SDK1: variants seen among roughly 807,000 people sequenced by gnomAD.
SDK1 encodes protein sidekick-1.
SDK1 carries 157 observed loss-of-function variants against 245.5 expected under a neutral mutation model. The observed-to-expected ratio is 0.64, with a 90% CI of 0.56 to 0.73. The LOEUF is 0.73. Among genes scored for constraint, SDK1 ranks in the 30% least tolerant of loss-of-function variants. SDK1 has a pLI of 0.00. For missense variants in SDK1, 3,583 were observed against 3,002.3 expected, an observed-to-expected ratio of 1.19 and a Z score of -4.52; for synonymous variants, 1,647 against 1,278.5, an observed-to-expected ratio of 1.29 and a Z score of -6.15.
chr7:3,643,327 C>G (rs556296515), intron 4 of SDK1: 1 of 152,118 alleles, frequency 6.6e-6, no homozygotes, highest in East Asian at 2.0e-4. Flanking sequence ...CCTACCTGAG[C>G]ATCTGTGGAA....
chr7:3,317,524 C>G (rs1779693155), intron 1 of SDK1, among the ~76,000 whole-genome samples: 1 of 152,090 alleles, frequency 6.6e-6, no homozygotes, highest in Non-Finnish European at 1.5e-5. Flanking sequence ...TAGCTGTGTG[C>G]TGTTCCCTGG....
intron 1 of SDK1, among the ~76,000 whole-genome samples, chr7:3,342,628 A>G (rs1298995066): frequency 6.6e-6 from 1 of 152,186 alleles, no homozygotes; most frequent in East Asian, 1.9e-4. Context: ...AGAATCCAGA[A>G]CTAAGCAATA....
intron 22 of SDK1, among the ~76,000 whole-genome samples, chr7:4,092,645 G>A (rs1224020465): frequency 1.3e-5 from 2 of 152,186 alleles, no homozygotes; most frequent in African/African-American, 4.8e-5. Flanking sequence ...ATTTGGGGAG[G>A]AGAAAGACTC....
At chr7:3,684,568 C>G (rs558645614) in intron 4 of SDK1, among the ~76,000 whole-genome samples, 3 of 152,150 alleles carry the variant, frequency 2.0e-5, no homozygotes, top group Non-Finnish European at 4.4e-5. Context: ...ATATCATACC[C>G]AAAATATGTG....
At chr7:3,314,444 G>A (rs12700788) in intron 1 of SDK1, among the ~76,000 whole-genome samples, 2 of 152,206 alleles carry the variant, frequency 1.3e-5, no homozygotes, top group African/African-American at 4.8e-5. Flanking sequence ...AATGTGCAGG[G>A]TGAAGCACTG....
At chr7:3,416,266 A>G (rs568175014) in intron 1 of SDK1, among the ~76,000 whole-genome samples, 9 of 152,258 alleles carry the variant, frequency 5.9e-5, no homozygotes, top group South Asian at 4.2e-4. Flanking sequence ...TCATATTACT[A>G]AAAGTTTTTG....
intron 5 of SDK1, among the ~76,000 whole-genome samples, chr7:3,860,957 A>G (rs1417418498): frequency 3.9e-5 from 6 of 152,092 alleles, no homozygotes; most frequent in Admixed American, 6.5e-5. Flanking sequence ...GCTCACATCC[A>G]AGGTTACCGG....
chr7:3,527,024 A>G (rs1783161440), intron 1 of SDK1, among the ~76,000 whole-genome samples: 1 of 152,174 alleles, frequency 6.6e-6, no homozygotes, highest in South Asian at 2.1e-4. Context: ...TTCTATTATT[A>G]ATGATGCATT....
chr7:3,440,808 G>C lies in SDK1; in HGVS notation c.298+138924G>C, dbSNP rs116722546. Among the ~76,000 whole-genome samples the C allele has an allele frequency of 3.2e-3, 493 of 152,220 alleles. 3 individuals carry two copies. The highest frequency in any genetic ancestry group is 0.011 in the African/African-American group (465 of 41,526). On this transcript the variant is annotated intron_variant, in intron 1 of 44. Transcript: ENST00000404826. ...TTGCACCTCAAACTGCAAAAGTTAT[G>C]GCCACAATGTGTATTAAGTGCTTAG...
chr7:3,613,584 A>T (rs1781672209), intron 1 of SDK1, among the ~76,000 whole-genome samples: 1 of 152,144 alleles, frequency 6.6e-6, no homozygotes, highest in African/African-American at 2.4e-5. Context: ...CAGTGTGGTG[A>T]TTCCTCAAAG....
At chr7:3,524,244 T>C (rs1239695666) in intron 1 of SDK1, among the ~76,000 whole-genome samples, 1 of 152,080 alleles carries the variant, frequency 6.6e-6, no homozygotes, top group East Asian at 1.9e-4. Context: ...AAAACATTAT[T>C]TGGAGTCAGA....
chr7:3,631,456 T>C (rs1179435098), intron 2 of SDK1, among the ~76,000 whole-genome samples: 1 of 152,230 alleles, frequency 6.6e-6, no homozygotes, highest in East Asian at 1.9e-4. Context: ...TTGGTTTATG[T>C]CAGCTCTCTT....
At chr7:3,923,030 C>G (rs539806200) in intron 5 of SDK1, among the ~76,000 whole-genome samples, 36 of 152,320 alleles carry the variant, frequency 2.4e-4, no homozygotes, top group African/African-American at 7.9e-4. Context: ...ACTATCCAGT[C>G]TGTTCTTTCG....
At position 4,042,686 on chromosome 7, in the gene SDK1, T is replaced by G. The variant is rs1429686816; in HGVS notation, c.2603-6662T>G. ...GCAGCGGGAGGCCACGCTGCACACT[T>G]GAAACCCCTTTTGCCTTGACTTTTC... is the stretch of plus-strand genomic sequence containing the variant. On this transcript the variant is annotated intron_variant, in intron 17 of 44. Transcript: ENST00000404826. Among the ~76,000 whole-genome samples, 3 of 152,160 alleles carry G rather than the reference T, an allele frequency of 2.0e-5. No homozygotes were observed. In the East Asian group the frequency reaches 5.8e-4, roughly 29 times the overall value.
chr7:3,449,980 C>T (rs890390734), intron 1 of SDK1, among the ~76,000 whole-genome samples: 1 of 152,012 alleles, frequency 6.6e-6, no homozygotes, highest in Non-Finnish European at 1.5e-5. Context: ...GTTGGGGGGT[C>T]GACGAGACTT....
intron 25 of SDK1, among the ~76,000 whole-genome samples, chr7:4,123,380 C>T: frequency 6.6e-6 from 1 of 151,958 alleles, no homozygotes; most frequent in East Asian, 1.9e-4. Flanking sequence ...TTCAAGGTCC[C>T]AGTTTATCAA....
At chr7:3,647,910 C>T (rs1025456) in intron 4 of SDK1, among the ~76,000 whole-genome samples, 142,591 of 152,220 alleles carry the variant, frequency 0.94, 66,872 homozygotes, top group Admixed American at 0.97. Flanking sequence ...CAAGGAAAAA[C>T]GCTGTTGATG....
In SDK1 at chr7:4,011,004, G is replaced by C. The variant is rs566155537; in HGVS notation, c.2170G>C (p.Glu724Gln). 11 of 1,614,216 alleles carry C rather than the reference G, an allele frequency of 6.8e-6. No homozygotes were observed. The South Asian group carries it at 1.2e-4, about 18-fold the overall frequency. ...WKVHLSNVGPEMTGVTVSGLT... is the reference protein window; with the variant it reads ...WKVHLSNVGPQMTGVTVSGLT... ...GGTGCATCTGTCAAACGTTGGCCCTGAGATGACAGGCGTCACCGTGAGTGG... is the reference window on the plus strand; with the variant it reads ...GGTGCATCTGTCAAACGTTGGCCCTCAGATGACAGGCGTCACCGTGAGTGG... Residue 724 changes from glutamate (E) to glutamine (Q), a missense_variant, in exon 15 of 45, where the codon GAG (glutamate) becomes CAG (glutamine). By Grantham distance (29) the Glu-to-Gln change is conservative. Transcript: ENST00000404826.
At chr7:4,051,962 C>T in intron 19 of SDK1, 132 bp downstream of exon 19, 1 of 728,074 alleles carries the variant, frequency 1.4e-6, no homozygotes, top group East Asian at 2.7e-5. Flanking sequence ...TTGCAGTCAG[C>T]TCACCTAGGG....
Sources: gnomAD v4.1 joint callset for allele counts (sites outside exome capture counted in the v4.1 genomes callset) on GRCh38, gnomAD v4.1.1 for gene constraint, MANE v1.5 for transcripts, NCBI Gene and HGNC (gene_info 2026-07-23, HGNC 2026-07-21) for gene names.